The following ST14 variants were observed in gnomAD, a reference collection of about 807,000 sequenced individuals.
ST14 encodes ST14 transmembrane serine protease matriptase, also known as suppressor of tumorigenicity 14 protein.
ST14 carries 40 observed loss-of-function variants against 96.5 expected under a neutral mutation model. The observed-to-expected ratio is 0.41, with a 90% CI of 0.32 to 0.54. ST14 has a LOEUF of 0.54. Among genes scored for constraint, ST14 ranks in the 20% least tolerant of loss-of-function variants. ST14 has a pLI of 0.17. For synonymous variants in ST14, 506 were observed against 492.1 expected (o/e 1.03, Z -0.37); for missense variants, 1,066 against 1,188.9 (o/e 0.90, Z 1.52).
chr11:130,191,925 A>G (rs572866154), intron 7 of ST14, among the ~76,000 whole-genome samples: 228 of 152,302 alleles, frequency 1.5e-3, no homozygotes, highest in African/African-American at 5.2e-3. Flanking sequence ...GTGGGTTTGC[A>G]TAGGGAAGGT....
intron 16 of ST14, among the ~76,000 whole-genome samples, chr11:130,205,550 G>A (rs1953476429): frequency 1.3e-5 from 2 of 152,162 alleles, no homozygotes; most frequent in Non-Finnish European, 2.9e-5. Flanking sequence ...GGCAGCCATT[G>A]TGAGGCTTCC....
chr11:130,200,105 C>T lies in ST14; in HGVS notation c.1962C>T (p.Ala654=), dbSNP rs370533319. Residue 654 remains alanine (A), a synonymous_variant, in exon 16 of 19, where the codon GCC becomes GCT. Coordinates refer to ENST00000278742, the MANE Select transcript of ST14 (RefSeq NM_021978.4). ...TCTCTCCCAACTGGCTGGTCTCTGC[C>T]GCACACTGCTACATCGATGACAGAG... ...SLISPNWLVS[A]AHCYIDDRGF... is the part of the protein sequence containing the mutation. 33 of 1,614,082 alleles carry T rather than the reference C, an allele frequency of 2.0e-5. No homozygotes were observed. In the Admixed American group the frequency reaches 4.2e-4, roughly 20 times the overall value.
chr11:130,160,212 C>G, intron 1 of ST14, 152 bp downstream of exon 1: 2 of 514,960 alleles, frequency 3.9e-6, no homozygotes, highest in Non-Finnish European at 6.0e-6. Context: ...GGGTGCCGGG[C>G]CGCGGGCGGG....
intron 16 of ST14, among the ~76,000 whole-genome samples, chr11:130,203,538 C>T (rs1016423707): frequency 3.3e-5 from 5 of 152,268 alleles, no homozygotes; most frequent in Admixed American, 6.5e-5. Flanking sequence ...AACTCCTTCA[C>T]GACCGACACG....
At chr11:130,169,911 G>A (rs1591877535) in intron 1 of ST14, among the ~76,000 whole-genome samples, 1 of 152,204 alleles carries the variant, frequency 6.6e-6, no homozygotes. Flanking sequence ...CTGCCTGTTT[G>A]TGCTGCTGCA....
In ST14 at chr11:130,190,572, C is replaced by T. The variant is rs542014525; in HGVS notation, c.753C>T (p.Asp251=). The T allele has an allele frequency of 1.2e-4, 200 of 1,612,552 alleles. No individual in the cohort carries two copies. The highest frequency in any genetic ancestry group is 1.6e-4 in the Non-Finnish European group (192 of 1,179,862). The change falls in exon 7 of 19, where the codon GAC becomes GAT. Residue 251 remains aspartate (D), a synonymous_variant. Transcript: ENST00000278742. ...HARCQWALRG[D]ADSVLSLTFR... Reference sequence around the variant, plus strand: ...GCTGCCAGTGGGCCCTGCGGGGGGACGCCGACTCAGTGCTGAGCCTCACCT... The same window carrying T: ...GCTGCCAGTGGGCCCTGCGGGGGGATGCCGACTCAGTGCTGAGCCTCACCT...
At position 130,208,684 on chromosome 11, in the gene ST14, G is replaced by A. The variant is rs768603597; in HGVS notation, c.2269G>A (p.Gly757Ser). 2.5e-6 allele frequency: 4 copies of A among 1,612,284 alleles called. No homozygotes were observed. Among genetic ancestry groups the A allele is most frequent in the Admixed American group, 1.7e-5 (1 of 59,972 alleles). Residue 757 changes from glycine to serine, a missense_variant and splice_region_variant, in exon 17 of 19, where the codon GGC becomes AGC. Physicochemically the swap from Gly to Ser is moderately conservative, Grantham distance 56. Coordinates refer to ENST00000278742, the MANE Select transcript of ST14 (RefSeq NM_021978.4). ...VTGWGHTQYG[G>S]TGALILQKGE... ...GGGCTGGGGACACACCCAGTATGGA[G>A]GTAAGCTTCGGGCTGACCTAGGGCT...
Position 130,188,966 on chromosome 11 carries a change from G to C in ST14, c.440+27G>C, listed in dbSNP as rs370241355. The C allele has an allele frequency of 6.3e-7, 1 of 1,597,918 alleles. No individual in the cohort carries two copies. The highest frequency in any genetic ancestry group is 1.3e-5 in the African/African-American group (1 of 74,838). The stretch of plus-strand genomic sequence containing the variant: ...TGGGTGTGGAGAGAAGGCTCAGTGG[G>C]ATGCACCCCAGACTGGCTGGGAGTA... On this transcript the variant is annotated intron_variant, in intron 4 of 18. Transcript: ENST00000278742. The surrounding 1 kb of genome is among the most constrained non-coding windows in gnomAD (Gnocchi z 5.4).
At chr11:130,165,148 A>G (rs1344830689) in intron 1 of ST14, among the ~76,000 whole-genome samples, 2 of 152,236 alleles carry the variant, frequency 1.3e-5, no homozygotes, top group Non-Finnish European at 2.9e-5. Context: ...ATTGGAGCCC[A>G]GGTAGTCTGG....
chr11:130,194,850 GCA>G (rs1953342848), intron 9 of ST14, 113 bp downstream of exon 9: 4 of 894,704 alleles, frequency 4.5e-6, no homozygotes, highest in Non-Finnish European at 5.0e-6. Context: ...GCATATGTGT[GCA>G]TGTGTGTGTG....
At position 130,160,058 on chromosome 11, in the gene ST14, G is replaced by C. The variant is rs1952987226; in HGVS notation, c.79G>C (p.Glu27Gln). 1.4e-6 allele frequency: 2 copies of C among 1,430,186 alleles called. No individual in the cohort carries two copies. Among genetic ancestry groups the C allele is most frequent in the African/African-American group, 1.5e-5 (1 of 67,312 alleles). The allele number at this position is 1,430,186 out of a possible 1,614,324, so 88.6% of individuals were successfully genotyped here. The part of the protein sequence containing the change: ...GAGLKYNSRH[E>Q]KVNGLEEGVE... ...GGGACTCAAGTACAACTCCCGGCAC[G>C]AGGTGAGCGCGGGCCGGGGACCCGG... The change falls in exon 1 of 19, where the codon GAG (glutamate) becomes CAG (glutamine). Residue 27 changes from glutamate (E) to glutamine (Q), a missense_variant and splice_region_variant. Glu to Gln is a conservative substitution (Grantham distance 29). Coordinates refer to ENST00000278742, the MANE Select transcript of ST14 (RefSeq NM_021978.4).
At position 130,160,076 on chromosome 11, in the gene ST14, G is replaced by T; in HGVS notation, c.81+16G>T. On this transcript the variant is annotated intron_variant, in intron 1 of 18. Coordinates refer to ENST00000278742, the MANE Select transcript of ST14 (RefSeq NM_021978.4). The stretch of plus-strand genomic sequence containing the variant: ...CCGGCACGAGGTGAGCGCGGGCCGG[G>T]GACCCGGGGCGCTGGGAAGCTCCTG... 1 of 1,416,120 alleles carries T rather than the reference G, an allele frequency of 7.1e-7. No individual in the cohort carries two copies. The highest frequency in any genetic ancestry group is 1.5e-5 in the South Asian group (1 of 67,182). The allele number at this position is 1,416,120 out of a possible 1,614,324, so 87.7% of individuals were successfully genotyped here.
In ST14 at chr11:130,188,908, T is replaced by C; in HGVS notation, c.409T>C (p.Tyr137His). 9.9e-6 allele frequency: 16 copies of C among 1,612,682 alleles called. No individual in the cohort carries two copies. Among genetic ancestry groups the C allele is most frequent in the Non-Finnish European group, 1.4e-5 (16 of 1,179,552 alleles). The change falls in exon 4 of 19, where the codon TAC becomes CAC. Residue 137 changes from tyrosine to histidine, a missense_variant. Coordinates refer to ENST00000278742, the MANE Select transcript of ST14 (RefSeq NM_021978.4). The surrounding 1 kb of genome is among the most constrained non-coding windows in gnomAD (Gnocchi z 5.4). ...LYSGVPFLGP[Y>H]HKESAVTAFS... ...CAGCGGAGTCCCATTCCTGGGCCCC[T>C]ACCACAAGGAGTCGGCTGTGACGGC...
At chr11:130,166,729 A>G (rs1452427624) in intron 1 of ST14, among the ~76,000 whole-genome samples, 1 of 152,194 alleles carries the variant, frequency 6.6e-6, no homozygotes. Context: ...AGCAGAAACC[A>G]CGAGACCCAG....
chr11:130,200,817 G>A (rs1953419569), intron 16 of ST14, among the ~76,000 whole-genome samples: 1 of 152,204 alleles, frequency 6.6e-6, no homozygotes, highest in Non-Finnish European at 1.5e-5. Context: ...AAGTAGGGAC[G>A]TTTGCTTGGG....
chr11:130,200,839 G>A (rs1446033217), intron 16 of ST14, among the ~76,000 whole-genome samples: 3 of 152,234 alleles, frequency 2.0e-5, no homozygotes, highest in Admixed American at 6.5e-5. Flanking sequence ...TGGCACAGCT[G>A]TTAAGTGGCA....
chr11:130,169,582 A>C (rs1313290115), intron 1 of ST14, among the ~76,000 whole-genome samples: 1 of 152,204 alleles, frequency 6.6e-6, no homozygotes, highest in East Asian at 1.9e-4. Context: ...TAGCGATGAC[A>C]TAGATGGAAC....
chr11:130,194,751 G>C lies in ST14; in HGVS notation c.1113+14G>C. The C allele has an allele frequency of 1.9e-6, 3 of 1,613,480 alleles. No homozygotes were observed. Among genetic ancestry groups the C allele is most frequent in the Non-Finnish European group, 2.5e-6 (3 of 1,179,546 alleles). ...TGGAACATTGAGGTAGGAGCTATGG[G>C]GCGTGTGAACGTGTGTGTGTGTGAG... is the stretch of plus-strand genomic sequence containing the variant. On this transcript the variant is annotated intron_variant, in intron 9 of 18. Transcript: ENST00000278742.
In ST14 at chr11:130,188,681, C is replaced by A; in HGVS notation, c.369+24C>A. ...CGGTGAGTGCAGCCTGCCCAGAGTC[C>A]TGCTGGGCTGTGTGCGCTGGTGTCC... On this transcript the variant is annotated intron_variant, in intron 3 of 18. Transcript: ENST00000278742. This position sits in a 1 kb window ranked among gnomAD's most constrained non-coding sequence, Gnocchi z 5.4. The A allele has an allele frequency of 6.2e-7, 1 of 1,614,114 alleles. No homozygotes were observed. The highest frequency in any genetic ancestry group is 8.5e-7 in the Non-Finnish European group (1 of 1,180,016).
Sources: allele counts gnomAD v4.1 joint callset (sites outside exome capture counted in the v4.1 genomes callset), GRCh38; gene constraint gnomAD v4.1.1; non-coding constraint Gnocchi (gnomAD v3.1); transcripts MANE v1.5; gene names NCBI Gene and HGNC (gene_info 2026-07-23, HGNC 2026-07-21).